Variants in TUB observed in about 807,000 individuals in gnomAD.
The protein encoded by TUB is TUB bipartite transcription factor.
A neutral mutation model predicts 59.7 loss-of-function variants in TUB; 33 were observed. The observed-to-expected ratio is 0.55, with a 90% CI of 0.42 to 0.74. The LOEUF (loss-of-function observed/expected upper bound fraction) is 0.74. Ranked by LOEUF, TUB falls within the 30% of genes least tolerant of loss-of-function variation. The pLI is 0.00. For synonymous variants in TUB, 293 were observed against 256.4 expected, an observed-to-expected ratio of 1.14 and a Z score of -1.36; for missense variants, 659 against 672.0, an observed-to-expected ratio of 0.98 and a Z score of 0.21.
In TUB at chr11:8,104,604, A is replaced by G. The variant is rs1590016663; in HGVS notation, c.*2985A>G. 6.6e-6 allele frequency: 1 copy of G among 152,206 alleles called. No homozygotes were observed. Among genetic ancestry groups the G allele is most frequent in the South Asian group, 2.1e-4 (1 of 4,826 alleles). The allele number at this position is 152,206 out of a possible 1,614,324, so 9.4% of individuals were successfully genotyped here. On this transcript the variant is annotated 3_prime_UTR_variant, in exon 12 of 12. Transcript: ENST00000299506. The stretch of plus-strand genomic sequence containing the variant: ...ATCTCATGCTCTCTGAACAGAAGGT[A>G]TACCTGGGAAGATACCAGCTTTTTC...
rs1047816055 is a variant in TUB, at chr11:8,104,830, T to G, written c.*3211T>G. The G allele has an allele frequency of 1.3e-5, 2 of 152,112 alleles. No homozygotes were observed. Among genetic ancestry groups the G allele is most frequent in the Non-Finnish European group, 2.9e-5 (2 of 68,032 alleles). 9.4% of individuals were successfully genotyped at this position (152,112 alleles called of 1,614,324 possible). ...TCCAGATCTATGGCGAACACAGGTG[T>G]TGGAAGCCAGGACTGTGATAATCAG... On this transcript the variant is annotated 3_prime_UTR_variant, in exon 12 of 12. Transcript: ENST00000299506.
rs1944314503 is a variant in TUB at position 8,101,676 on chromosome 11, C to T, written c.*57C>T. Reference sequence around the variant, plus strand: ...CCTGGAGCGGAGCTTGCCTGCCTGCCTGTGGAGACAGCCCTGCCTATCCTC... The same window carrying T: ...CCTGGAGCGGAGCTTGCCTGCCTGCTTGTGGAGACAGCCCTGCCTATCCTC... On this transcript the variant is annotated 3_prime_UTR_variant, in exon 12 of 12. Transcript: ENST00000299506. 2 of 1,595,566 alleles carry T rather than the reference C, an allele frequency of 1.3e-6. No homozygotes were observed. Among genetic ancestry groups the T allele is most frequent in the Admixed American group, 3.5e-5 (2 of 57,206 alleles).
chr11:8,022,932 AAAAC>A (rs1942451005), intron 1 of TUB, among the ~76,000 whole-genome samples: 1 of 151,810 alleles, frequency 6.6e-6, no homozygotes, highest in Non-Finnish European at 1.5e-5. Flanking sequence ...CACACAAACA[AAAAC>A]AAAACAACAA....
Position 8,097,249 on chromosome 11 carries a change from C to T in TUB, c.709C>T (p.Pro237Ser). 6.2e-7 allele frequency: 1 copy of T among 1,614,118 alleles called. No individual in the cohort carries two copies. Among genetic ancestry groups the T allele is most frequent in the Non-Finnish European group, 8.5e-7 (1 of 1,180,028 alleles). The change falls in exon 7 of 12, where the codon CCA becomes TCA. Residue 237 changes from proline to serine, a missense_variant. By Grantham distance (74) the Pro-to-Ser change is moderately conservative. Around this residue, in one of 3 missense-constraint regions of TUB, gnomAD observed 112 missense variants for 156.9 expected, o/e 0.71. Transcript: ENST00000299506. ...ATAGGAGGCAGCCTCAGCCCCTAGC[C>T]CAACAGCTCCAGAGCAACCAGTGGA... ...SVREAASAPSPTAPEQPVDVE... is the reference protein window; with the variant it reads ...SVREAASAPSSTAPEQPVDVE...
At chr11:8,020,713 C>T (rs370805871) in intron 1 of TUB, among the ~76,000 whole-genome samples, 1 of 152,192 alleles carries the variant, frequency 6.6e-6, no homozygotes, top group African/African-American at 2.4e-5. Flanking sequence ...TCCTGTCCAC[C>T]TCATGATTCC....
intron 1 of TUB, among the ~76,000 whole-genome samples, chr11:8,081,939 T>G (rs1461447511): frequency 1.3e-5 from 2 of 152,220 alleles, no homozygotes; most frequent in African/African-American, 2.4e-5. Flanking sequence ...CGTCCCTGCC[T>G]TGGGCCAAAG....
In TUB at chr11:8,029,388, C is replaced by CTT. The variant is rs71059146; in HGVS notation, c.56+10047_56+10048dup. Among the ~76,000 whole-genome samples, 969 of 123,526 alleles carry CTT rather than the reference C, an allele frequency of 7.8e-3. 15 individuals carry two copies. Among genetic ancestry groups the CTT allele is most frequent in the African/African-American group, 0.027 (899 of 33,520 alleles). 81.0% of individuals were successfully genotyped at this position (123,526 alleles called of 152,430 possible). A position where few individuals can be genotyped will look rare whatever the true frequency, so the allele number is the denominator to read the frequency against. On this transcript the variant is annotated intron_variant, in intron 1 of 11. Transcript: ENST00000534099. ...CAGGTTCTTTTCTTTTTCTTTCTTTCTTTTTTTTTTTTTTTTTTGAGACAG... is the reference window on the plus strand; with the variant it reads ...CAGGTTCTTTTCTTTTTCTTTCTTTCTTTTTTTTTTTTTTTTTTTTGAGACAG...
intron 1 of TUB, among the ~76,000 whole-genome samples, chr11:8,033,444 A>G (rs1281501567): frequency 2.0e-5 from 3 of 152,230 alleles, no homozygotes; most frequent in African/African-American, 7.2e-5. Flanking sequence ...GATTGTGGTC[A>G]GACACACTCT....
Position 8,105,404 on chromosome 11 carries a change from G to A in TUB, c.*3785G>A, listed in dbSNP as rs151062750. 1.3e-5 allele frequency: 2 copies of A among 152,358 alleles called. No homozygotes were observed. The highest frequency in any genetic ancestry group is 6.5e-5 in the Admixed American group (1 of 15,306). 9.4% of individuals were successfully genotyped at this position (152,358 alleles called of 1,614,324 possible). Reference sequence around the variant, plus strand: ...GCCACCGGTAATAAGCCAAGGGCTAGGCTCTTGTTTGAGTTTATGGCCACC... The same window carrying A: ...GCCACCGGTAATAAGCCAAGGGCTAAGCTCTTGTTTGAGTTTATGGCCACC... On this transcript the variant is annotated 3_prime_UTR_variant, in exon 12 of 12. Transcript: ENST00000299506.
At chr11:8,078,569 A>C (rs1290919143), upstream of TUB, among the ~76,000 whole-genome samples, 1 of 152,170 alleles carries the variant, frequency 6.6e-6, no homozygotes, top group East Asian at 1.9e-4. Flanking sequence ...TTGAGTGGAA[A>C]AAGCCATCAT....
At chr11:8,082,787 C>T (rs146099255) in intron 1 of TUB, among the ~76,000 whole-genome samples, 45 of 152,312 alleles carry the variant, frequency 3.0e-4, no homozygotes, top group African/African-American at 9.1e-4. Context: ...AAAACAGGCA[C>T]GTGGCCTGGG....
chr11:8,076,853 G>C (rs1310033634), upstream of TUB: 1 of 152,210 alleles, frequency 6.6e-6, no homozygotes, highest in Non-Finnish European at 1.5e-5. Flanking sequence ...TTTCAGCAGT[G>C]ATTTGGAAAA....
At chr11:8,068,133 A>G (rs1386018137) in intron 2 of TUB, 1 of 152,232 alleles carries the variant, frequency 6.6e-6, no homozygotes, top group Non-Finnish European at 1.5e-5. Flanking sequence ...CGAGGCGGAA[A>G]TCGTTAAACA....
intron 3 of TUB, among the ~76,000 whole-genome samples, chr11:8,092,690 T>A (rs527846692): frequency 2.0e-5 from 3 of 152,292 alleles, no homozygotes; most frequent in South Asian, 4.1e-4. Flanking sequence ...CTACTGCTTC[T>A]CTAGGGGCCC....
intron 2 of TUB, among the ~76,000 whole-genome samples, chr11:8,056,746 C>T (rs1245126606): frequency 6.6e-6 from 1 of 151,838 alleles, no homozygotes; most frequent in Admixed American, 6.6e-5. Context: ...GTGAGCTTGT[C>T]TCTGAGTGGT....
chr11:8,040,242 G>A (rs1193894231), intron 2 of TUB, among the ~76,000 whole-genome samples: 1 of 152,246 alleles, frequency 6.6e-6, no homozygotes, highest in Admixed American at 6.5e-5. Context: ...GTTTACACAT[G>A]TTGGGGTCCC....
chr11:8,095,437 G>A, intron 4 of TUB, 61 bp from the exon 5 acceptor site: 1 of 1,532,754 alleles, frequency 6.5e-7, no homozygotes, highest in Non-Finnish European at 8.8e-7. Flanking sequence ...ATGGACGTCT[G>A]AGAATCCAGG....
At chr11:8,019,245 A>C (rs1246939577) in exon 1 of TUB, 2 of 1,232,622 alleles carry the variant, frequency 1.6e-6, no homozygotes, top group African/African-American at 3.1e-5. Context: ...CCTGCGAGCC[A>C]GCCCCAAGCC....
At chr11:8,097,115 G>A in intron 6 of TUB, 113 bp from the exon 7 acceptor site, 1 of 1,239,172 alleles carries the variant, frequency 8.1e-7, no homozygotes, top group Non-Finnish European at 1.1e-6. Flanking sequence ...CCCAATCCCA[G>A]GATCCTTCCC....
Sources: allele counts gnomAD v4.1 joint callset (sites outside exome capture counted in the v4.1 genomes callset), GRCh38; gene constraint gnomAD v4.1.1; regional missense constraint gnomAD v4.1.1; transcripts MANE v1.5; gene names NCBI Gene and HGNC (gene_info 2026-07-23, HGNC 2026-07-21).